The following MACROD2 variants were observed in gnomAD, a reference collection of about 807,000 sequenced individuals.
The protein encoded by MACROD2 is ADP-ribose glycohydrolase MACROD2.
A neutral mutation model predicts 70.4 loss-of-function variants in MACROD2; 36 were observed. That is an observed-to-expected ratio of 0.51 (90% CI 0.39 to 0.68). The LOEUF is 0.68. Among genes scored for constraint, MACROD2 ranks in the 30% least tolerant of loss-of-function variants. MACROD2 has a pLI of 0.00. For synonymous variants in MACROD2, 172 were observed against 178.8 expected (o/e 0.96, Z 0.30); for missense variants, 496 against 538.4 (o/e 0.92, Z 0.78).
intron 4 of MACROD2, among the ~76,000 whole-genome samples, chr20:14,533,892 T>C (rs917315676): frequency 1.3e-5 from 2 of 152,204 alleles, no homozygotes; most frequent in Non-Finnish European, 2.9e-5. Context: ...TGGATATACT[T>C]TTGGATACGC....
intron 6 of MACROD2, among the ~76,000 whole-genome samples, chr20:15,337,598 ATACT>A (rs1362588027): frequency 6.6e-6 from 1 of 151,780 alleles, no homozygotes; most frequent in Non-Finnish European, 1.5e-5. Context: ...ATTACCACAC[ATACT>A]TATTTATTAT....
Position 15,033,754 on chromosome 20 carries a change from C to T in MACROD2, c.419-196186C>T, listed in dbSNP as rs186011702. Among the ~76,000 whole-genome samples the T allele has an allele frequency of 5.2e-3, 791 of 152,282 alleles. 9 individuals carry two copies. The highest frequency in any genetic ancestry group is 0.018 in the African/African-American group (768 of 41,560). ...CTAATGGAAATTAAAATAAACAAAC[C>T]TGTCCATGTTAGAAAGAGAAAAGAT... On this transcript the variant is annotated intron_variant, in intron 5 of 17. Coordinates refer to ENST00000684519, the MANE Select transcript of MACROD2 (RefSeq NM_001351661.2).
chr20:14,861,850 T>C (rs939960741), intron 5 of MACROD2, among the ~76,000 whole-genome samples: 1 of 146,534 alleles, frequency 6.8e-6, no homozygotes, highest in African/African-American at 2.5e-5. Context: ...CTCCTGCTGC[T>C]GGCCAAGCAG....
At chr20:15,720,275 G>T (rs2423976) in intron 8 of MACROD2, among the ~76,000 whole-genome samples, 142,167 of 152,276 alleles carry the variant, frequency 0.93, 66,584 homozygotes, top group Non-Finnish European at 0.97. Context: ...GGCAGACATC[G>T]CTTTGACACA....
intron 8 of MACROD2, among the ~76,000 whole-genome samples, chr20:15,825,509 T>A (rs894056262): frequency 9.9e-5 from 15 of 151,908 alleles, no homozygotes; most frequent in African/African-American, 3.1e-4. Context: ...TGTTGGTTTT[T>A]TTTTTTCGAG....
At chr20:14,680,936 G>T (rs1009572246) in intron 4 of MACROD2, among the ~76,000 whole-genome samples, 1 of 152,082 alleles carries the variant, frequency 6.6e-6, no homozygotes. Context: ...ATTAATAACA[G>T]ATTTATCACA....
chr20:15,762,102 GC>G (rs2051445333), intron 8 of MACROD2, among the ~76,000 whole-genome samples: 1 of 152,110 alleles, frequency 6.6e-6, no homozygotes, highest in South Asian at 2.1e-4. Context: ...TAGAATAAAA[GC>G]CCCAGCTATT....
chr20:14,821,649 T>A (rs376061674), intron 5 of MACROD2, among the ~76,000 whole-genome samples: 3 of 152,100 alleles, frequency 2.0e-5, no homozygotes, highest in Non-Finnish European at 2.9e-5. Context: ...GTCCACATCT[T>A]TGGGCATGGT....
chr20:14,214,991 CAT>C (rs1294037719), intron 3 of MACROD2, among the ~76,000 whole-genome samples: 3 of 150,478 alleles, frequency 2.0e-5, no homozygotes, highest in East Asian at 1.9e-4. Flanking sequence ...CCATCATATA[CAT>C]ATATGTTTAT....
chr20:14,417,757 A>G (rs2083826490), intron 3 of MACROD2, among the ~76,000 whole-genome samples: 1 of 152,200 alleles, frequency 6.6e-6, no homozygotes, highest in African/African-American at 2.4e-5. Flanking sequence ...GTTGAGATTG[A>G]GTGCTGTATT....
At chr20:14,096,256 A>G (rs1358126024) in intron 3 of MACROD2, among the ~76,000 whole-genome samples, 1 of 152,002 alleles carries the variant, frequency 6.6e-6, no homozygotes, top group African/African-American at 2.4e-5. Context: ...CTCTTTGTTG[A>G]TGCAAAGAGA....
chr20:14,171,209 A>G (rs2081217829), intron 3 of MACROD2, among the ~76,000 whole-genome samples: 1 of 151,970 alleles, frequency 6.6e-6, no homozygotes, highest in African/African-American at 2.4e-5. Context: ...TTTCATCTCT[A>G]ATTGAGCTTA....
intron 17 of MACROD2, among the ~76,000 whole-genome samples, chr20:16,045,992 TAA>T (rs11476311): frequency 6.6e-6 from 1 of 150,814 alleles, no homozygotes; most frequent in Admixed American, 6.6e-5. Context: ...ATTTAGTTGT[TAA>T]AAAAAAAAGA....
At chr20:15,472,316 T>C (rs922173368) in intron 7 of MACROD2, among the ~76,000 whole-genome samples, 1 of 152,180 alleles carries the variant, frequency 6.6e-6, no homozygotes, top group Non-Finnish European at 1.5e-5. Flanking sequence ...TCCTAGCTAA[T>C]CTTCTTCCTT....
At chr20:15,955,618 G>T (rs1271624356) in intron 12 of MACROD2, among the ~76,000 whole-genome samples, 1 of 151,976 alleles carries the variant, frequency 6.6e-6, no homozygotes, top group East Asian at 1.9e-4. Context: ...TATAAATCAG[G>T]CTAATGCTAA....
chr20:15,519,462 GAT>G (rs1236893072), intron 8 of MACROD2, among the ~76,000 whole-genome samples: 1 of 152,184 alleles, frequency 6.6e-6, no homozygotes, highest in African/African-American at 2.4e-5. Flanking sequence ...AACTGAGGCA[GAT>G]AGTCTTGTTT....
intron 8 of MACROD2, among the ~76,000 whole-genome samples, chr20:15,650,879 A>G (rs968960043): frequency 3.9e-5 from 6 of 152,130 alleles, no homozygotes; most frequent in Non-Finnish European, 8.8e-5. Flanking sequence ...TACATTATTG[A>G]CCATGTTGGT....
At chr20:14,337,665 A>G (rs1022397804) in intron 3 of MACROD2, 6 of 397,780 alleles carry the variant, frequency 1.5e-5, no homozygotes, top group African/African-American at 4.1e-5. Context: ...GTGGCTGAAG[A>G]AGGGGGTGAT....
intron 5 of MACROD2, among the ~76,000 whole-genome samples, chr20:14,833,921 GT>G (rs1414900234): frequency 6.6e-6 from 1 of 152,028 alleles, no homozygotes; most frequent in Non-Finnish European, 1.5e-5. Context: ...GATTCAAAAT[GT>G]GAAAAATGAT....
Sources: allele counts gnomAD v4.1 joint callset (sites outside exome capture counted in the v4.1 genomes callset), GRCh38; gene constraint gnomAD v4.1.1; transcripts MANE v1.5; gene names NCBI Gene and HGNC (gene_info 2026-07-23, HGNC 2026-07-21).